Variants in ITPR3 observed in about 807,000 individuals in gnomAD.
The protein encoded by ITPR3 is inositol 1,4,5-trisphosphate-gated calcium channel ITPR3.
In ITPR3, 173 loss-of-function variants were observed where a neutral mutation model predicts 293.2. That is an observed-to-expected ratio of 0.59 (90% CI 0.52 to 0.67). The LOEUF is 0.67. Ranked by LOEUF, ITPR3 falls within the 30% of genes least tolerant of loss-of-function variation. The pLI is 0.00. For missense variants in ITPR3, 2,796 were observed against 3,592.1 expected (o/e 0.78, Z 5.66); for synonymous variants, 1,295 against 1,444.4 (o/e 0.90, Z 2.35).
rs1765378459 is a variant in ITPR3, at chr6:33,691,163, C to A, written c.7225+54C>A. On this transcript the variant is annotated intron_variant, in intron 52 of 57. Coordinates refer to ENST00000605930, the MANE Select transcript of ITPR3 (RefSeq NM_002224.4). The surrounding 1 kb of genome is among the most constrained non-coding windows in gnomAD (Gnocchi z 4.9). The stretch of plus-strand genomic sequence containing the variant: ...TTGTGGGGAATGAGGTTGGGTCTCA[C>A]AAATGTCTGGCGTCAGGACCAGGAC... The A allele has an allele frequency of 2.6e-6, 4 of 1,568,330 alleles. No homozygotes were observed. The highest frequency in any genetic ancestry group is 3.5e-6 in the Non-Finnish European group (4 of 1,141,810).
chr6:33,621,527 C>T lies in ITPR3; in HGVS notation c.-76C>T. ...CGTACCCCTCCCCGCTCCCCGGACG[C>T]CTCAGTCCTCCGCACTGAGCTTGGC... On this transcript the variant is annotated 5_prime_UTR_variant, in exon 1 of 58. Transcript: ENST00000605930. The surrounding 1 kb of genome is among the most constrained non-coding windows in gnomAD (Gnocchi z 7.7). 1.9e-6 allele frequency: 2 copies of T among 1,045,792 alleles called. No homozygotes were observed. The highest frequency in any genetic ancestry group is 2.9e-6 in the Non-Finnish European group (2 of 689,256). 64.8% of individuals were successfully genotyped at this position (1,045,792 alleles called of 1,614,324 possible). A position where few individuals can be genotyped will look rare whatever the true frequency, so the allele number is the denominator to read the frequency against.
rs752025396 is a variant in ITPR3, at chr6:33,678,726, G to A, written c.3859G>A (p.Val1287Met). 6.2e-6 allele frequency: 10 copies of A among 1,613,450 alleles called. No homozygotes were observed. Among genetic ancestry groups the A allele is most frequent in the Middle Eastern group, 1.7e-4 (1 of 6,058 alleles). The change falls in exon 30 of 58, where the codon GTG (valine) becomes ATG (methionine). Residue 1287 changes from valine (V) to methionine (M), a missense_variant. Val to Met is a conservative substitution (Grantham distance 21, BLOSUM62 1). Around this residue, in one of 8 missense-constraint regions of ITPR3, gnomAD observed 344 missense variants for 460.3 expected, o/e 0.75. Coordinates refer to ENST00000605930, the MANE Select transcript of ITPR3 (RefSeq NM_002224.4). ...EISEPVLQHFVHLLATHGRHV... is the reference protein window; with the variant it reads ...EISEPVLQHFMHLLATHGRHV... ...CAGCGAGCCTGTGTTGCAGCACTTC[G>A]TGCACCTGCTGGCCACGCACGGGCG...
At chr6:33,661,950 C>T (rs1000850754) in intron 7 of ITPR3, among the ~76,000 whole-genome samples, 1 of 134,876 alleles carries the variant, frequency 7.4e-6, no homozygotes, top group South Asian at 2.5e-4. Context: ...GAGCCAAGAT[C>T]GTGCCATGCA....
intron 43 of ITPR3, 57 bp downstream of exon 43, chr6:33,686,576 T>A: frequency 7.7e-7 from 1 of 1,293,458 alleles, no homozygotes; most frequent in Non-Finnish European, 1.1e-6. Flanking sequence ...TGCATGCATG[T>A]ATGTGTGACT....
rs192770454 is a variant in ITPR3 at position 33,694,764 on chromosome 6, C to T, written c.7786-160C>T. ...GTTGACTGCCAGCTCACTCTGGCCC[C>T]GGGGAGGACCAGGTCAATTCAGATT... On this transcript the variant is annotated intron_variant, in intron 56 of 57. Coordinates refer to ENST00000605930, the MANE Select transcript of ITPR3 (RefSeq NM_002224.4). The T allele has an allele frequency of 6.9e-5, 60 of 875,424 alleles. No individual in the cohort carries two copies. In the African/African-American group the frequency reaches 8.0e-4, roughly 12 times the overall value. 54.2% of individuals were successfully genotyped at this position (875,424 alleles called of 1,614,324 possible).
At chr6:33,685,247 G>GC in intron 39 of ITPR3, 112 bp from the exon 40 acceptor site, 1 of 1,109,620 alleles carries the variant, frequency 9.0e-7, no homozygotes, top group Non-Finnish European at 1.3e-6. Context: ...CAGGCCTGCA[G>GC]CCAGGCCCCT....
rs1370268836 is a variant in ITPR3 at position 33,655,344 on chromosome 6, G to A, written c.161-422G>A. ...ATAGGGGCTGCCCCTGGGAAGAGGG[G>A]TATGTCATTTCCCAGGCATCTGTGT... is the stretch of plus-strand genomic sequence containing the variant. On this transcript the variant is annotated intron_variant, in intron 2 of 57. Transcript: ENST00000605930. This position sits in a 1 kb window ranked among gnomAD's most constrained non-coding sequence, Gnocchi z 4.9. Among the ~76,000 whole-genome samples the A allele has an allele frequency of 6.6e-6, 1 of 152,196 alleles. No individual in the cohort carries two copies. Among genetic ancestry groups the A allele is most frequent in the South Asian group, 2.1e-4 (1 of 4,826 alleles).
intron 7 of ITPR3, among the ~76,000 whole-genome samples, 187 bp downstream of exon 7, chr6:33,659,736 G>A (rs1205004909): frequency 2.6e-5 from 4 of 152,092 alleles, no homozygotes; most frequent in Non-Finnish European, 4.4e-5. Flanking sequence ...CGCTTCTCTC[G>A]TCTCTGGCCA....
chr6:33,692,961 T>C lies in ITPR3; in HGVS notation c.7624+68T>C. The C allele has an allele frequency of 6.4e-7, 1 of 1,553,564 alleles. No homozygotes were observed. The highest frequency in any genetic ancestry group is 8.8e-7 in the Non-Finnish European group (1 of 1,136,532). Reference sequence around the variant, plus strand: ...GAACGTCATCTGATGCCAGTGGCAGTAGCGGTTTGGCCCTTCCTGCCCTGG... The same window carrying C: ...GAACGTCATCTGATGCCAGTGGCAGCAGCGGTTTGGCCCTTCCTGCCCTGG... On this transcript the variant is annotated intron_variant, in intron 55 of 57. Coordinates refer to ENST00000605930, the MANE Select transcript of ITPR3 (RefSeq NM_002224.4). This position sits in a 1 kb window ranked among gnomAD's most constrained non-coding sequence, Gnocchi z 4.2.
Position 33,678,670 on chromosome 6 carries a change from TC to T in ITPR3, c.3805del (p.Leu1269Ter). 3.1e-6 allele frequency: 5 copies of T among 1,613,050 alleles called. No homozygotes were observed. Among genetic ancestry groups the T allele is most frequent in the Non-Finnish European group, 4.2e-6 (5 of 1,179,830 alleles). On this transcript the variant is annotated frameshift_variant, in exon 30 of 58. Coordinates refer to ENST00000605930, the MANE Select transcript of ITPR3 (RefSeq NM_002224.4). LOFTEE classifies it high-confidence loss of function. ...GAGGCAGAGACCATGCAGCACATCTTCCTGAACAACTATCAGCTCTGCTCCG... is the reference window on the plus strand; with the variant it reads ...GAGGCAGAGACCATGCAGCACATCTTCTGAACAACTATCAGCTCTGCTCCG... The part of the protein sequence containing the change: ...LLEAETMQHI[F>X]LNNYQLCSEI...
chr6:33,682,451 C>G lies in ITPR3; in HGVS notation c.4477-73C>G, dbSNP rs1021287487. On this transcript the variant is annotated intron_variant, in intron 33 of 57. Transcript: ENST00000605930. This position sits in a 1 kb window ranked among gnomAD's most constrained non-coding sequence, Gnocchi z 5.4. The stretch of plus-strand genomic sequence containing the variant: ...CCACCCATGCCCATTCTGATTGGGC[C>G]CTGGTTCCTGGACCTGGGGTTGCCC... 3.9e-5 allele frequency: 57 copies of G among 1,455,066 alleles called. No individual in the cohort carries two copies. The highest frequency in any genetic ancestry group is 5.2e-5 in the Non-Finnish European group (57 of 1,104,752). The allele number at this position is 1,455,066 out of a possible 1,614,324, so 90.1% of individuals were successfully genotyped here.
intron 2 of ITPR3, among the ~76,000 whole-genome samples, chr6:33,653,593 C>T (rs1166660448): frequency 1.3e-5 from 2 of 152,050 alleles, no homozygotes; most frequent in Non-Finnish European, 2.9e-5. Context: ...TTGCTAAATC[C>T]ATGCAAAAAA....
chr6:33,684,295 G>C lies in ITPR3; in HGVS notation c.4938-62G>C. 1 of 1,592,954 alleles carries C rather than the reference G, an allele frequency of 6.3e-7. No individual in the cohort carries two copies. The highest frequency in any genetic ancestry group is 8.6e-7 in the Non-Finnish European group (1 of 1,162,312). Reference sequence around the variant, plus strand: ...GGGGTGTTCCTGCCTGGGATGGGGTGGGGAAGTAGCTGGAGGGAGGCAGTG... The same window carrying C: ...GGGGTGTTCCTGCCTGGGATGGGGTCGGGAAGTAGCTGGAGGGAGGCAGTG... On this transcript the variant is annotated intron_variant, in intron 36 of 57. Transcript: ENST00000605930. The surrounding 1 kb of genome is among the most constrained non-coding windows in gnomAD (Gnocchi z 4.2).
intron 2 of ITPR3, among the ~76,000 whole-genome samples, chr6:33,645,624 T>C (rs894880269): frequency 2.4e-4 from 36 of 152,320 alleles, no homozygotes; most frequent in African/African-American, 8.7e-4. Context: ...TGCGCCTCCA[T>C]GGCATGAGAA....
In ITPR3 at chr6:33,694,848, C is replaced by CA. The variant is rs1054025315; in HGVS notation, c.7786-75dup. ...TAAGGGTGTGGCAGAAGCCTCCCCC[C>CA]ACATTACTGTTTTTCTAAATGAGGC... On this transcript the variant is annotated intron_variant, in intron 56 of 57. Coordinates refer to ENST00000605930, the MANE Select transcript of ITPR3 (RefSeq NM_002224.4). The CA allele has an allele frequency of 8.2e-6, 13 of 1,576,508 alleles. No individual in the cohort carries two copies. In the African/African-American group the frequency reaches 1.5e-4, roughly 18 times the overall value.
rs1045020198 is a variant in ITPR3 at position 33,672,771 on chromosome 6, G to T, written c.2928+543G>T. Among the ~76,000 whole-genome samples the T allele has an allele frequency of 1.3e-5, 2 of 152,040 alleles. No individual in the cohort carries two copies. Among genetic ancestry groups the T allele is most frequent in the Non-Finnish European group, 2.9e-5 (2 of 67,996 alleles). On this transcript the variant is annotated intron_variant, in intron 22 of 57. Coordinates refer to ENST00000605930, the MANE Select transcript of ITPR3 (RefSeq NM_002224.4). The surrounding 1 kb of genome is among the most constrained non-coding windows in gnomAD (Gnocchi z 5.0). Reference sequence around the variant, plus strand: ...GGGGAGGTAAAAGCGGGGGCCGGGGGGTGCTTTCCCAAGGTCACAGGGATT... The same window carrying T: ...GGGGAGGTAAAAGCGGGGGCCGGGGTGTGCTTTCCCAAGGTCACAGGGATT...
chr6:33,674,290 G>C (rs374403522), intron 24 of ITPR3, 25 bp downstream of exon 24: 157 of 1,612,114 alleles, frequency 9.7e-5, no homozygotes, highest in Non-Finnish European at 1.3e-4. Context: ...GAGCTGCAGG[G>C]GTGTGTGGGG....
At position 33,687,423 on chromosome 6, in the gene ITPR3, G is replaced by A. The variant is rs1765263351; in HGVS notation, c.6178-55G>A. 6.5e-7 allele frequency: 1 copy of A among 1,541,790 alleles called. No homozygotes were observed. The highest frequency in any genetic ancestry group is 1.8e-5 in the Admixed American group (1 of 54,172). On this transcript the variant is annotated intron_variant, in intron 45 of 57. Coordinates refer to ENST00000605930, the MANE Select transcript of ITPR3 (RefSeq NM_002224.4). The surrounding 1 kb of genome is among the most constrained non-coding windows in gnomAD (Gnocchi z 5.3). ...CCCCAGTCGCCATTGTCGCCCCCCA[G>A]CCACCATGTCCCCCAGCCACCACAC...
Position 33,658,532 on chromosome 6 carries a change from G to A in ITPR3, c.370-138G>A. On this transcript the variant is annotated intron_variant, in intron 4 of 57. Transcript: ENST00000605930. This position sits in a 1 kb window ranked among gnomAD's most constrained non-coding sequence, Gnocchi z 6.1. ...TGGTTGTGAATGTGGGTGTCAGCCT[G>A]TATGTTTGTGACAGGTGTCTGACAC... 9.8e-7 allele frequency: 1 copy of A among 1,019,168 alleles called. No homozygotes were observed. The allele number at this position is 1,019,168 out of a possible 1,614,324, so 63.1% of individuals were successfully genotyped here. A position where few individuals can be genotyped will look rare whatever the true frequency, so the allele number is the denominator to read the frequency against.
Sources: allele counts gnomAD v4.1 joint callset (sites outside exome capture counted in the v4.1 genomes callset), GRCh38; gene constraint gnomAD v4.1.1; regional missense constraint gnomAD v4.1.1; non-coding constraint Gnocchi (gnomAD v3.1); transcripts MANE v1.5; gene names NCBI Gene and HGNC (gene_info 2026-07-23, HGNC 2026-07-21).